RPS6KA1: variants seen among roughly 807,000 people sequenced by gnomAD.
RPS6KA1 encodes the protein ribosomal protein S6 kinase A1.
RPS6KA1 carries 48 observed loss-of-function variants against 91.3 expected under a neutral mutation model. That is an observed-to-expected ratio of 0.53 (90% CI 0.42 to 0.67). The LOEUF is 0.67. RPS6KA1 is among the 30% of genes least tolerant of loss of function. The pLI is 0.00. For missense variants in RPS6KA1, 719 were observed against 960.5 expected, an observed-to-expected ratio of 0.75 and a Z score of 3.32; for synonymous variants, 359 against 384.7, an observed-to-expected ratio of 0.93 and a Z score of 0.78.
At chr1:26,535,956 G>A (rs1296081541) in intron 1 of RPS6KA1, among the ~76,000 whole-genome samples, 1 of 152,012 alleles carries the variant, frequency 6.6e-6, no homozygotes, top group African/African-American at 2.4e-5. Context: ...TTTGAGACCA[G>A]CCTGGCCAAC....
At chr1:26,564,170 A>G (rs1041767934) in intron 17 of RPS6KA1, among the ~76,000 whole-genome samples, 1 of 152,156 alleles carries the variant, frequency 6.6e-6, no homozygotes, top group Admixed American at 6.5e-5. Context: ...CATCCAATCT[A>G]TGGAGGTACA....
At chr1:26,553,687 C>T (rs2076074072) in intron 7 of RPS6KA1, 190 bp downstream of exon 7, 1 of 393,666 alleles carries the variant, frequency 2.5e-6, no homozygotes, top group Non-Finnish European at 4.6e-6. Flanking sequence ...TACCAAGGGC[C>T]AGGTACTTTG....
In RPS6KA1 at chr1:26,558,531, G is replaced by A. The variant is rs2076125317; in HGVS notation, c.1085-276G>A. The stretch of plus-strand genomic sequence containing the variant: ...GGGGCTGACGTAAGATGGGGAAGCT[G>A]GGGAGGAAGCATCCAGGAAGGGATG... On this transcript the variant is annotated intron_variant, in intron 13 of 21. Coordinates refer to ENST00000374168, the MANE Select transcript of RPS6KA1 (RefSeq NM_002953.4). This position sits in a 1 kb window ranked among gnomAD's most constrained non-coding sequence, Gnocchi z 4.0. Among the ~76,000 whole-genome samples the A allele has an allele frequency of 6.6e-6, 1 of 152,224 alleles. No individual in the cohort carries two copies. Among genetic ancestry groups the A allele is most frequent in the Admixed American group, 6.5e-5 (1 of 15,280 alleles).
chr1:26,545,800 C>A, intron 2 of RPS6KA1: 1 of 1,402,372 alleles, frequency 7.1e-7, no homozygotes, highest in Non-Finnish European at 9.3e-7. Context: ...CCAGGCCCAG[C>A]CCCCGCCCTT....
chr1:26,555,144 T>C lies in RPS6KA1; in HGVS notation c.757-7T>C, dbSNP rs2076088538. The C allele has an allele frequency of 1.2e-6, 2 of 1,613,968 alleles. No homozygotes were observed. The highest frequency in any genetic ancestry group is 1.3e-5 in the African/African-American group (1 of 75,032). On this transcript the variant is annotated splice_polypyrimidine_tract_variant and splice_region_variant and intron_variant, in intron 9 of 21. Coordinates refer to ENST00000374168, the MANE Select transcript of RPS6KA1 (RefSeq NM_002953.4). The surrounding 1 kb of genome is among the most constrained non-coding windows in gnomAD (Gnocchi z 4.3). ...TCAGAGCCTGAATAGATCCTTGTCC[T>C]CTGCAGTTTGAGATGCTGACGGGCT...
At chr1:26,544,770 AGCCT>A (rs2075977853) in intron 2 of RPS6KA1, among the ~76,000 whole-genome samples, 1 of 145,948 alleles carries the variant, frequency 6.9e-6, no homozygotes, top group Admixed American at 6.9e-5. Context: ...CACCACGCCC[AGCCT>A]GCCTGTTGGG....
chr1:26,564,215 T>C (rs1171918930), intron 17 of RPS6KA1, among the ~76,000 whole-genome samples: 1 of 152,176 alleles, frequency 6.6e-6, no homozygotes, highest in East Asian at 1.9e-4. Flanking sequence ...GTGCACAGTG[T>C]CATGCTGCCT....
At chr1:26,545,924 C>G (rs758108170) in intron 2 of RPS6KA1, 1 of 1,588,122 alleles carries the variant, frequency 6.3e-7, no homozygotes, top group Non-Finnish European at 8.6e-7. Flanking sequence ...CCAAGCCGCC[C>G]CGTCTGCGGC....
intron 4 of RPS6KA1, among the ~76,000 whole-genome samples, chr1:26,549,806 A>G (rs975363696): frequency 3.3e-5 from 5 of 150,192 alleles, no homozygotes; most frequent in African/African-American, 7.4e-5. Context: ...GGTTCAGGCA[A>G]TTCTCCTGCC....
chr1:26,555,225 A>C lies in RPS6KA1; in HGVS notation c.827+4A>C. The C allele has an allele frequency of 6.2e-7, 1 of 1,614,038 alleles. No homozygotes were observed. Among genetic ancestry groups the C allele is most frequent in the East Asian group, 2.2e-5 (1 of 44,888 alleles). ...AGACCATGACACTGATTCTGAAGTAAGCCCCAGCCCTGCCCTGATAACAAT... is the reference window on the plus strand; with the variant it reads ...AGACCATGACACTGATTCTGAAGTACGCCCCAGCCCTGCCCTGATAACAAT... On this transcript the variant is annotated splice_donor_region_variant and intron_variant, in intron 10 of 21. Coordinates refer to ENST00000374168, the MANE Select transcript of RPS6KA1 (RefSeq NM_002953.4). This position sits in a 1 kb window ranked among gnomAD's most constrained non-coding sequence, Gnocchi z 4.3.
At chr1:26,532,658 C>T (rs967387480) in intron 1 of RPS6KA1, among the ~76,000 whole-genome samples, 2 of 152,252 alleles carry the variant, frequency 1.3e-5, no homozygotes, top group African/African-American at 4.8e-5. Context: ...GAACCCAGCT[C>T]CTGGGGCTGC....
In RPS6KA1 at chr1:26,529,815, C is replaced by T; in HGVS notation, c.-106C>T. 1.2e-6 allele frequency: 1 copy of T among 839,064 alleles called. No homozygotes were observed. The highest frequency in any genetic ancestry group is 1.6e-6 in the Non-Finnish European group (1 of 642,906). 52.0% of individuals were successfully genotyped at this position (839,064 alleles called of 1,614,324 possible). A position where few individuals can be genotyped will look rare whatever the true frequency, so the allele number is the denominator to read the frequency against. ...GACGGCCCAGCCGGAGCGCGAGGGGCTCGGGGGGGCGCGGCGGTTCGGGTC... is the reference window on the plus strand; with the variant it reads ...GACGGCCCAGCCGGAGCGCGAGGGGTTCGGGGGGGCGCGGCGGTTCGGGTC... On this transcript the variant is annotated 5_prime_UTR_variant, in exon 1 of 22. Coordinates refer to ENST00000374168, the MANE Select transcript of RPS6KA1 (RefSeq NM_002953.4). This position sits in a 1 kb window ranked among gnomAD's most constrained non-coding sequence, Gnocchi z 4.2.
At chr1:26,572,750 G>A (rs1402880509) in intron 20 of RPS6KA1, among the ~76,000 whole-genome samples, 1 of 152,164 alleles carries the variant, frequency 6.6e-6, no homozygotes, top group African/African-American at 2.4e-5. Context: ...ACAGTTTTTG[G>A]TCATTGGGAA....
In RPS6KA1 at chr1:26,543,095, GGAAGGCTAAAAAAAGCA is replaced by G; in HGVS notation, c.109-3767_109-3751del. On this transcript the variant is annotated intron_variant, in intron 2 of 21. Coordinates refer to ENST00000374168, the MANE Select transcript of RPS6KA1 (RefSeq NM_002953.4). Reference sequence around the variant, plus strand: ...GCCAGAGACCCTGCCTTCTGGGCCAGGAAGGCTAAAAAAAGCAGAAGTAGGAAGAGTAACGGGGCCCT... The same window carrying G: ...GCCAGAGACCCTGCCTTCTGGGCCAGGAAGTAGGAAGAGTAACGGGGCCCT... 4 of 1,514,216 alleles carry G rather than the reference GGAAGGCTAAAAAAAGCA, an allele frequency of 2.6e-6. No homozygotes were observed. In the South Asian group the frequency reaches 4.8e-5, roughly 18 times the overall value. 93.8% of individuals were successfully genotyped at this position (1,514,216 alleles called of 1,614,324 possible). A position where few individuals can be genotyped will look rare whatever the true frequency, so the allele number is the denominator to read the frequency against.
rs1249684406 is a variant in RPS6KA1 at position 26,574,348 on chromosome 1, G to T, written c.*147G>T. On this transcript the variant is annotated 3_prime_UTR_variant, in exon 22 of 22. Transcript: ENST00000374168. The surrounding 1 kb of genome is among the most constrained non-coding windows in gnomAD (Gnocchi z 4.3). The stretch of plus-strand genomic sequence containing the variant: ...GCCAGCCCAGAACACCCCTAATGAG[G>T]GTGTGAGAAGTGCCTTCTCCTTCCC... 4 of 964,510 alleles carry T rather than the reference G, an allele frequency of 4.1e-6. No individual in the cohort carries two copies. Among genetic ancestry groups the T allele is most frequent in the Non-Finnish European group, 6.8e-6 (4 of 589,896 alleles). 59.7% of individuals were successfully genotyped at this position (964,510 alleles called of 1,614,324 possible).
Position 26,561,764 on chromosome 1 carries a change from A to T in RPS6KA1, c.1590+101A>T. 8.0e-7 allele frequency: 1 copy of T among 1,243,420 alleles called. No homozygotes were observed. The highest frequency in any genetic ancestry group is 1.1e-6 in the Non-Finnish European group (1 of 892,452). The allele number at this position is 1,243,420 out of a possible 1,614,324, so 77.0% of individuals were successfully genotyped here. A position where few individuals can be genotyped will look rare whatever the true frequency, so the allele number is the denominator to read the frequency against. On this transcript the variant is annotated intron_variant, in intron 17 of 21. Transcript: ENST00000374168. The surrounding 1 kb of genome is among the most constrained non-coding windows in gnomAD (Gnocchi z 5.7). The stretch of plus-strand genomic sequence containing the variant: ...GGCCCAGGAATGGCAGCCTCCAGCT[A>T]GCCAAACTGAGGGGACACTAGGGCT...
At chr1:26,546,208 G>C (rs568499914) in intron 2 of RPS6KA1, among the ~76,000 whole-genome samples, 6 of 152,232 alleles carry the variant, frequency 3.9e-5, no homozygotes, top group Admixed American at 6.5e-5. Context: ...GCACTTCAGG[G>C]CTTCAAGGCA....
intron 4 of RPS6KA1, among the ~76,000 whole-genome samples, chr1:26,548,045 C>G (rs1010685739): frequency 6.6e-6 from 1 of 151,874 alleles, no homozygotes; most frequent in Non-Finnish European, 1.5e-5. Flanking sequence ...GTGTGCACCT[C>G]TGATCCCAGT....
intron 14 of RPS6KA1, 139 bp from the exon 15 acceptor site, chr1:26,560,587 G>A (rs1422985363): frequency 1.9e-6 from 2 of 1,076,080 alleles, no homozygotes; most frequent in Non-Finnish European, 2.7e-6. Context: ...GTCACCTGCG[G>A]TCACATGGCC....
Sources: allele counts gnomAD v4.1 joint callset (sites outside exome capture counted in the v4.1 genomes callset), GRCh38; gene constraint gnomAD v4.1.1; non-coding constraint Gnocchi (gnomAD v3.1); transcripts MANE v1.5; gene names NCBI Gene and HGNC (gene_info 2026-07-23, HGNC 2026-07-21).